The following DUSP22 variants were observed in gnomAD, a reference collection of about 807,000 sequenced individuals.
The protein encoded by DUSP22 is dual specificity phosphatase 22.
In DUSP22, 24 loss-of-function variants were observed where a neutral mutation model predicts 24.5. The ratio of observed to expected loss-of-function variants is 0.98; its 90% CI spans 0.71 to 1.38. DUSP22 has a LOEUF of 1.38. Among genes scored for constraint, DUSP22 ranks in the 40% most tolerant of loss-of-function variants. The pLI is 0.00. For missense variants in DUSP22, 330 were observed against 269.2 expected, an observed-to-expected ratio of 1.23 and a Z score of -1.58; for synonymous variants, 160 against 106.4, an observed-to-expected ratio of 1.50 and a Z score of -3.10.
intron 3 of DUSP22, among the ~76,000 whole-genome samples, chr6:326,669 T>C (rs1465668235): frequency 6.6e-6 from 1 of 152,308 alleles, no homozygotes. Context: ...GCAAATCCTG[T>C]CTACTACCAT....
At chr6:312,641 A>AT (rs1298918542) in intron 3 of DUSP22, among the ~76,000 whole-genome samples, 1 of 152,234 alleles carries the variant, frequency 6.6e-6, no homozygotes, top group African/African-American at 2.4e-5. Context: ...TGTGATGTGT[A>AT]TGTGTTTTTC....
intron 1 of DUSP22, among the ~76,000 whole-genome samples, chr6:295,532 T>C (rs931851766): frequency 2.0e-5 from 3 of 152,240 alleles, no homozygotes; most frequent in African/African-American, 7.2e-5. Flanking sequence ...CACAGCACTT[T>C]GGGAGATTGA....
At chr6:292,660 T>G in intron 1 of DUSP22, 100 bp downstream of exon 1, 2 of 1,471,870 alleles carry the variant, frequency 1.4e-6, no homozygotes, top group East Asian at 5.5e-5. Flanking sequence ...GGGTGCCCTT[T>G]CCCGCGGTGG....
intron 3 of DUSP22, among the ~76,000 whole-genome samples, chr6:331,374 A>C (rs1351907589): frequency 3.3e-5 from 5 of 152,312 alleles, no homozygotes; most frequent in Admixed American, 1.3e-4. Flanking sequence ...TAATGGAAAC[A>C]TTGCTGTTAT....
At chr6:324,871 G>A (rs1758781415) in intron 3 of DUSP22, among the ~76,000 whole-genome samples, 1 of 152,310 alleles carries the variant, frequency 6.6e-6, no homozygotes, top group Non-Finnish European at 1.5e-5. Flanking sequence ...CCAGCGAGGG[G>A]CTCCGAGAGC....
At chr6:327,953 A>C (rs1229035763) in intron 3 of DUSP22, among the ~76,000 whole-genome samples, 2 of 152,300 alleles carry the variant, frequency 1.3e-5, no homozygotes, top group Admixed American at 6.5e-5. Context: ...ATGCTGAAGC[A>C]CTGTGAAAAT....
At chr6:348,584 G>A in intron 6 of DUSP22, 185 bp from the exon 7 acceptor site, 3 of 1,067,784 alleles carry the variant, frequency 2.8e-6, no homozygotes, top group Non-Finnish European at 4.1e-6. Context: ...CCAGCACCTT[G>A]AAGGAGCAGT....
intron 3 of DUSP22, among the ~76,000 whole-genome samples, chr6:314,462 CA>C (rs1295896848): frequency 9.2e-5 from 14 of 152,308 alleles, no homozygotes; most frequent in African/African-American, 3.4e-4. Flanking sequence ...GGGTCATTTC[CA>C]ACAAACATCT....
chr6:341,871 G>A (rs749848993), intron 4 of DUSP22, among the ~76,000 whole-genome samples: 55 of 152,404 alleles, frequency 3.6e-4, no homozygotes, highest in Non-Finnish European at 5.0e-4. Flanking sequence ...CTCTGGGCAC[G>A]GATGGGTTTG....
Position 298,881 on chromosome 6 carries a change from C to CGAAAGTAGG in DUSP22, c.22-5740_22-5739insGGGAAAGTA, listed in dbSNP as rs1554097828. On this transcript the variant is annotated intron_variant, in intron 1 of 6. Coordinates refer to ENST00000419235, the MANE Select transcript of DUSP22 (RefSeq NM_001286555.3). ...TGCACCCTCTGCTGCAAGATCAGTC[C>CGAAAGTAGG]GAAAGTAAGGAAATGAATACAGCCA... Among the ~76,000 whole-genome samples, 5 of 151,940 alleles carry CGAAAGTAGG rather than the reference C, an allele frequency of 3.3e-5. No individual in the cohort carries two copies. In the East Asian group the frequency reaches 7.7e-4, roughly 23 times the overall value.
Position 309,042 on chromosome 6 carries a change from C to A in DUSP22, c.56-2838C>A, listed in dbSNP as rs1272812316. Among the ~76,000 whole-genome samples the A allele has an allele frequency of 2.6e-5, 4 of 152,420 alleles. No individual in the cohort carries two copies. The East Asian group carries it at 7.7e-4, about 29-fold the overall frequency. On this transcript the variant is annotated intron_variant, in intron 2 of 6. Transcript: ENST00000419235. ...CCATGCTGGTGGCGATTGGAAAATC[C>A]CATTTTGGTGTGAATGTGGGAACTG...
chr6:329,737 C>T (rs1759056994), intron 3 of DUSP22, among the ~76,000 whole-genome samples: 2 of 152,310 alleles, frequency 1.3e-5, no homozygotes, highest in Non-Finnish European at 2.9e-5. Flanking sequence ...CAGGCATGAG[C>T]CACCATGCCC....
At chr6:332,644 C>CTTTTTTTTTTT (rs3053546) in intron 3 of DUSP22, among the ~76,000 whole-genome samples, 1 of 148,066 alleles carries the variant, frequency 6.8e-6, no homozygotes. Context: ...TCCTGTCCTT[C>CTTTTTTTTTTT]TTTTTTTTTT....
chr6:343,181 T>A (rs1401867325), intron 4 of DUSP22, among the ~76,000 whole-genome samples: 1 of 152,304 alleles, frequency 6.6e-6, no homozygotes, highest in Non-Finnish European at 1.5e-5. Context: ...TACATCTGGG[T>A]GCAGGTATTC....
intron 4 of DUSP22, among the ~76,000 whole-genome samples, chr6:345,302 T>G (rs9378742): frequency 0.087 from 12,896 of 148,120 alleles, 29 homozygotes; most frequent in East Asian, 0.24. Context: ...CTCTGCCTCC[T>G]GGGTTCAAGA....
chr6:311,817 A>G (rs1164545343), intron 2 of DUSP22, 63 bp from the exon 3 acceptor site: 2 of 1,478,532 alleles, frequency 1.4e-6, no homozygotes, highest in East Asian at 2.4e-5. Context: ...TTTTCTGGCT[A>G]GACTTTAGGA....
At chr6:332,147 G>A (rs143440603) in intron 3 of DUSP22, among the ~76,000 whole-genome samples, 3,638 of 151,212 alleles carry the variant, frequency 0.024, no homozygotes, top group South Asian at 0.04. Context: ...GCTGTGTGCC[G>A]GGCACCCTTG....
chr6:307,357 C>T (rs1323166783), intron 2 of DUSP22, among the ~76,000 whole-genome samples: 1 of 152,290 alleles, frequency 6.6e-6, no homozygotes, highest in Non-Finnish European at 1.5e-5. Context: ...CCTCTTCCCT[C>T]CTTCCTTTCA....
At chr6:306,751 C>A (rs569007164) in intron 2 of DUSP22, among the ~76,000 whole-genome samples, 1 of 152,308 alleles carries the variant, frequency 6.6e-6, no homozygotes, top group African/African-American at 2.4e-5. Flanking sequence ...CGGGAACACA[C>A]GATGTGCTGG....
Sources: gnomAD v4.1 joint callset for allele counts (sites outside exome capture counted in the v4.1 genomes callset) on GRCh38, gnomAD v4.1.1 for gene constraint, MANE v1.5 for transcripts, NCBI Gene and HGNC (gene_info 2026-07-23, HGNC 2026-07-21) for gene names.